Variants in UNC79 observed in about 807,000 individuals in gnomAD.
The protein encoded by UNC79 is protein unc-79 homolog.
A neutral mutation model predicts 283.1 loss-of-function variants in UNC79; 37 were observed. That is an observed-to-expected ratio of 0.13 (90% CI 0.10 to 0.17). The LOEUF is 0.17. Among genes scored for constraint, UNC79 ranks in the 10% least tolerant of loss-of-function variants. The pLI is 1.00. For missense variants in UNC79, 2,272 were observed against 3,211.1 expected, an observed-to-expected ratio of 0.71 and a Z score of 7.07; for synonymous variants, 1,107 against 1,200.2, an observed-to-expected ratio of 0.92 and a Z score of 1.61.
intron 1 of UNC79, among the ~76,000 whole-genome samples, chr14:93,376,945 A>G (rs1295231036): frequency 6.7e-6 from 1 of 149,776 alleles, no homozygotes; most frequent in African/African-American, 2.4e-5. Context: ...ACCTATGTAC[A>G]TATATGCAAG....
Position 93,688,993 on chromosome 14 carries a change from A to C in UNC79, c.7085+153A>C. 1 of 800,170 alleles carries C rather than the reference A, an allele frequency of 1.2e-6. No individual in the cohort carries two copies. 49.6% of individuals were successfully genotyped at this position (800,170 alleles called of 1,614,324 possible). On this transcript the variant is annotated intron_variant, in intron 44 of 48. Coordinates refer to ENST00000555664, the Ensembl canonical transcript of UNC79. The surrounding 1 kb of genome is among the most constrained non-coding windows in gnomAD (Gnocchi z 4.0). ...GATGGAAATCAGATCCCATCTCCTT[A>C]CGTACTTGCTGACCCAGAATGCTCT...
At chr14:93,520,785 A>G (rs556732129) in intron 7 of UNC79, among the ~76,000 whole-genome samples, 1 of 152,018 alleles carries the variant, frequency 6.6e-6, no homozygotes, top group East Asian at 1.9e-4. Flanking sequence ...TCCCATCTCT[A>G]TCCTCATTAT....
At chr14:93,551,090 C>A (rs936916977) in intron 14 of UNC79, among the ~76,000 whole-genome samples, 2 of 152,092 alleles carry the variant, frequency 1.3e-5, no homozygotes, top group Admixed American at 6.5e-5. Flanking sequence ...CGCTCTGTAG[C>A]CCAGGCTGGA....
At chr14:93,443,760 G>A (rs1200501882) in intron 1 of UNC79, among the ~76,000 whole-genome samples, 2 of 152,094 alleles carry the variant, frequency 1.3e-5, no homozygotes, top group East Asian at 3.9e-4. Flanking sequence ...ATGTTTTGGA[G>A]AGTCACTCAT....
rs2055841359 is a variant in UNC79, at chr14:93,430,705, C to A, written c.-325C>A. On this transcript the variant is annotated 5_prime_UTR_variant, in exon 1 of 49. Coordinates refer to ENST00000555664, the Ensembl canonical transcript of UNC79. This position sits in a 1 kb window ranked among gnomAD's most constrained non-coding sequence, Gnocchi z 4.6. ...CGGTCGAGCCCATTTTCCCATTTCA[C>A]CAGGAGCCGCAGCCTGCTCTCTCCT... 1 of 263,268 alleles carries A rather than the reference C, an allele frequency of 3.8e-6. No homozygotes were observed. Among genetic ancestry groups the A allele is most frequent in the African/African-American group, 2.2e-5 (1 of 45,756 alleles). 16.3% of individuals were successfully genotyped at this position (263,268 alleles called of 1,614,324 possible).
intron 15 of UNC79, 151 bp from the exon 16 acceptor site, chr14:93,572,542 T>G: frequency 8.9e-7 from 1 of 1,117,682 alleles, no homozygotes. Flanking sequence ...TCTCTTACAG[T>G]AAAGTGAAAT....
intron 1 of UNC79, among the ~76,000 whole-genome samples, chr14:93,363,043 A>G (rs368240059): frequency 6.6e-6 from 1 of 151,834 alleles, no homozygotes; most frequent in Non-Finnish European, 1.5e-5. Flanking sequence ...TAGTTCCTCT[A>G]AGTGTGATGT....
intron 2 of UNC79, 117 bp downstream of exon 2, chr14:93,467,908 C>G (rs753706426): frequency 7.7e-5 from 96 of 1,242,650 alleles, no homozygotes; most frequent in Non-Finnish European, 9.1e-5. Flanking sequence ...TTCTAGTGCT[C>G]TGTCAGAAGA....
At chr14:93,686,660 A>G (rs368977053) in exon 43 of UNC79, 15 of 1,614,084 alleles carry the variant, frequency 9.3e-6, no homozygotes, top group Non-Finnish European at 1.3e-5. Flanking sequence ...ACCAAACTGA[A>G]GGTGAGATGA....
intron 37 of UNC79, 139 bp from the exon 41 acceptor site, chr14:93,655,095 C>T: frequency 1.2e-6 from 1 of 815,740 alleles, no homozygotes. Flanking sequence ...TCCAGTCTAT[C>T]ACAGGGATTG....
chr14:93,649,541 G>T (rs184644394), intron 35 of UNC79, among the ~76,000 whole-genome samples: 242 of 152,078 alleles, frequency 1.6e-3, no homozygotes, highest in African/African-American at 5.6e-3. Context: ...ATTAACTCAA[G>T]TTCAATTTTT....
intron 26 of UNC79, among the ~76,000 whole-genome samples, chr14:93,605,736 T>G (rs1344950736): frequency 6.6e-6 from 1 of 152,012 alleles, no homozygotes; most frequent in Non-Finnish European, 1.5e-5. Context: ...AGAAGGAAAA[T>G]TTCAAGTAAG....
At chr14:93,471,594 A>G (rs2057512347) in intron 2 of UNC79, among the ~76,000 whole-genome samples, 1 of 151,880 alleles carries the variant, frequency 6.6e-6, no homozygotes, top group Non-Finnish European at 1.5e-5. Context: ...TTTTTTCTGA[A>G]TAAACTTCAC....
chr14:93,623,280 G>C (rs2067281217), intron 30 of UNC79, among the ~76,000 whole-genome samples: 1 of 152,290 alleles, frequency 6.6e-6, no homozygotes, highest in South Asian at 2.1e-4. Context: ...GAGTGCCCTA[G>C]AATGATTAAG....
intron 17 of UNC79, among the ~76,000 whole-genome samples, chr14:93,576,815 C>T (rs2063502234): frequency 6.6e-6 from 1 of 152,160 alleles, no homozygotes; most frequent in Non-Finnish European, 1.5e-5. Flanking sequence ...CTGCCTCTCT[C>T]TCCTCCAGGT....
At chr14:93,397,790 G>A (rs560591066) in intron 1 of UNC79, among the ~76,000 whole-genome samples, 30 of 144,924 alleles carry the variant, frequency 2.1e-4, no homozygotes, top group African/African-American at 6.4e-4. Context: ...CAGGTATGGT[G>A]GTGTGCACCT....
chr14:93,335,348 G>A (rs754048374), intron 1 of UNC79, among the ~76,000 whole-genome samples: 6 of 152,166 alleles, frequency 3.9e-5, no homozygotes, highest in Non-Finnish European at 5.9e-5. Context: ...GTTTATTTTA[G>A]TTCAGTCCGA....
chr14:93,467,013 A>T, intron 1 of UNC79: 1 of 642,308 alleles, frequency 1.6e-6, no homozygotes, highest in South Asian at 7.0e-5. Context: ...GATTCTTTGG[A>T]AGAAAAATGT....
At chr14:93,704,714 C>A (rs377443781) in intron 48 of UNC79, 48 bp downstream of exon 51, 9 of 1,596,066 alleles carry the variant, frequency 5.6e-6, no homozygotes, top group Non-Finnish European at 7.7e-6. Flanking sequence ...CTGCAGAGAA[C>A]GTATAACGTT....
Sources: gnomAD v4.1 joint callset for allele counts (sites outside exome capture counted in the v4.1 genomes callset) on GRCh38, gnomAD v4.1.1 for gene constraint, Gnocchi (gnomAD v3.1) non-coding constraint, MANE v1.5 for transcripts, NCBI Gene and HGNC (gene_info 2026-07-23, HGNC 2026-07-21) for gene names.